HHAT: variants seen among roughly 807,000 people sequenced by gnomAD.
HHAT encodes hedgehog acyltransferase, also known as protein-cysteine N-palmitoyltransferase HHAT.
A neutral mutation model predicts 70.8 loss-of-function variants in HHAT; 47 were observed. The observed-to-expected ratio is 0.66, with a 90% confidence interval of 0.53 to 0.85. The LOEUF is 0.85. Among genes scored for constraint, HHAT ranks in the 40% least tolerant of loss-of-function variants. The probability of loss-of-function intolerance (pLI) is 0.00; values close to 1 mark genes in which losing one functional copy is unlikely to be tolerated. For missense variants in HHAT, 609 were observed against 604.8 expected, an observed-to-expected ratio of 1.01 and a Z score of -0.07; for synonymous variants, 228 against 247.6, an observed-to-expected ratio of 0.92 and a Z score of 0.74.
At chr1:210,358,909 G>A (rs1023982514) in intron 2 of HHAT, among the ~76,000 whole-genome samples, 1 of 152,220 alleles carries the variant, frequency 6.6e-6, no homozygotes, top group Non-Finnish European at 1.5e-5. Flanking sequence ...ACAGCTCATT[G>A]GCAGCGATTA....
chr1:210,392,651 G>A (rs566436573), intron 4 of HHAT, among the ~76,000 whole-genome samples: 1 of 152,098 alleles, frequency 6.6e-6, no homozygotes, highest in African/African-American at 2.4e-5. Context: ...AGTCTTGCTG[G>A]TCTCAAACTC....
Position 210,516,628 on chromosome 1 carries a change from G to A in HHAT, c.1043+3440G>A, listed in dbSNP as rs371824203. On this transcript the variant is annotated intron_variant, in intron 9 of 11. Coordinates refer to ENST00000261458, the MANE Select transcript of HHAT (RefSeq NM_018194.6). ...TAAAAGAGCAAATGTGGGAGAAATT[G>A]TCATACGTTCCCCACACCCCCTCAA... Among the ~76,000 whole-genome samples the A allele has an allele frequency of 1.5e-4, 23 of 152,202 alleles. No homozygotes were observed. In the East Asian group the frequency reaches 4.2e-3, roughly 28 times the overall value.
chr1:210,592,486 T>G (rs1457188300), intron 10 of HHAT, among the ~76,000 whole-genome samples: 1 of 152,170 alleles, frequency 6.6e-6, no homozygotes, highest in Non-Finnish European at 1.5e-5. Context: ...GTTTTGTAAT[T>G]TTTCCTCAGA....
At chr1:210,515,036 G>T (rs959120556) in intron 9 of HHAT, among the ~76,000 whole-genome samples, 2 of 152,206 alleles carry the variant, frequency 1.3e-5, no homozygotes, top group East Asian at 1.9e-4. Context: ...GCCCTTTTGG[G>T]CAGGTGCTGG....
intron 7 of HHAT, among the ~76,000 whole-genome samples, chr1:210,449,045 G>A (rs1442178941): frequency 1.4e-5 from 2 of 147,336 alleles, no homozygotes; most frequent in East Asian, 2.0e-4. Flanking sequence ...CACACACCAT[G>A]CATGACACAC....
intron 11 of HHAT, among the ~76,000 whole-genome samples, chr1:210,650,270 A>G (rs1674865943): frequency 6.6e-6 from 1 of 152,208 alleles, no homozygotes; most frequent in African/African-American, 2.4e-5. Flanking sequence ...TGAGAAAACA[A>G]GAGGCTCAGA....
rs145943928 is a variant in HHAT at position 210,674,354 on chromosome 1, G to T, written c.1457G>T (p.Trp486Leu). The change falls in exon 12 of 12, where the codon TGG becomes TTG. Residue 486 changes from tryptophan to leucine, a missense_variant. Physicochemically the swap from Trp to Leu is moderately conservative, Grantham distance 61. Transcript: ENST00000261458. ...TGCTACTCCCACGTGGGCATTGCCT[G>T]GGCCCAGACCTACGCCACGGACTAA... ...LYCYSHVGIA[W>L]AQTYATD 1,191 of 1,614,116 alleles carry T rather than the reference G, an allele frequency of 7.4e-4. 2 individuals are homozygous for T. The highest frequency in any genetic ancestry group is 8.5e-4 in the Non-Finnish European group (1,001 of 1,180,006).
intron 5 of HHAT, among the ~76,000 whole-genome samples, chr1:210,404,104 T>A (rs1488812977): frequency 4.3e-4 from 66 of 152,316 alleles, no homozygotes; most frequent in Middle Eastern, 3.4e-3. Flanking sequence ...GAAGAAGCTG[T>A]CAAAGTATCC....
chr1:210,415,462 G>C (rs2092692849), intron 6 of HHAT, among the ~76,000 whole-genome samples: 1 of 152,172 alleles, frequency 6.6e-6, no homozygotes, highest in South Asian at 2.1e-4. Flanking sequence ...ATCAATACAA[G>C]TCTGCAAATA....
chr1:210,635,849 C>T (rs936391733), intron 11 of HHAT, among the ~76,000 whole-genome samples: 26 of 152,262 alleles, frequency 1.7e-4, no homozygotes, highest in South Asian at 8.3e-4. Flanking sequence ...AAAGAGGGGA[C>T]GCTTTGCGGA....
At chr1:210,518,822 T>C (rs909836987) in intron 9 of HHAT, among the ~76,000 whole-genome samples, 3 of 152,106 alleles carry the variant, frequency 2.0e-5, no homozygotes, top group African/African-American at 7.2e-5. Context: ...AGCAAGAAGT[T>C]TCAATTCAGG....
At chr1:210,530,253 A>T (rs1009822043) in intron 9 of HHAT, among the ~76,000 whole-genome samples, 2 of 152,092 alleles carry the variant, frequency 1.3e-5, no homozygotes, top group African/African-American at 4.8e-5. Flanking sequence ...CCCAATAAGG[A>T]TCTTAGCACA....
intron 10 of HHAT, among the ~76,000 whole-genome samples, chr1:210,618,655 C>CT (rs1668236247): frequency 1.3e-5 from 2 of 152,136 alleles, no homozygotes; most frequent in South Asian, 4.1e-4. Context: ...GAGTGAGGGG[C>CT]TGGCAAGCCC....
At chr1:210,522,639 G>T (rs144346181) in intron 9 of HHAT, among the ~76,000 whole-genome samples, 27 of 152,198 alleles carry the variant, frequency 1.8e-4, no homozygotes, top group Admixed American at 5.2e-4. Flanking sequence ...AGAATAAGAC[G>T]CACCGTTGTC....
At chr1:210,415,503 A>G (rs1232322965) in intron 6 of HHAT, among the ~76,000 whole-genome samples, 1 of 152,200 alleles carries the variant, frequency 6.6e-6, no homozygotes, top group Non-Finnish European at 1.5e-5. Flanking sequence ...CTTCTTGGAG[A>G]ACTCAAATTC....
At chr1:210,405,214 A>G (rs369211466) in intron 6 of HHAT, among the ~76,000 whole-genome samples, 1 of 152,040 alleles carries the variant, frequency 6.6e-6, no homozygotes, top group African/African-American at 2.4e-5. Context: ...TCATGTCTGG[A>G]TCCCCCTTTG....
intron 10 of HHAT, among the ~76,000 whole-genome samples, chr1:210,598,580 C>T (rs970513754): frequency 1.1e-4 from 16 of 152,188 alleles, no homozygotes; most frequent in African/African-American, 3.9e-4. Flanking sequence ...GGGCTGAGTT[C>T]TGCCCATCTT....
chr1:210,434,277 A>AT (rs1307643113), intron 7 of HHAT, among the ~76,000 whole-genome samples: 7 of 151,938 alleles, frequency 4.6e-5, no homozygotes, highest in South Asian at 2.1e-4. Flanking sequence ...ACGTGAGAAA[A>AT]TGGACATAGT....
intron 10 of HHAT, among the ~76,000 whole-genome samples, chr1:210,616,630 G>A (rs1224616996): frequency 6.6e-6 from 1 of 152,186 alleles, no homozygotes; most frequent in Admixed American, 6.5e-5. Context: ...GCACTCAAGA[G>A]GCAAAGATCT....
Sources: allele counts gnomAD v4.1 joint callset (sites outside exome capture counted in the v4.1 genomes callset), GRCh38; gene constraint gnomAD v4.1.1; transcripts MANE v1.5; gene names NCBI Gene and HGNC (gene_info 2026-07-23, HGNC 2026-07-21).